AKAP11: variants seen among roughly 807,000 people sequenced by gnomAD.
AKAP11 encodes A-kinase anchor protein 11.
A neutral mutation model predicts 146.1 loss-of-function variants in AKAP11; 36 were observed. That is an observed-to-expected ratio of 0.25 (90% CI 0.19 to 0.33). The LOEUF is 0.33. AKAP11 is among the 10% of genes least tolerant of loss of function. The pLI is 1.00. For missense variants in AKAP11, 2,201 were observed against 2,197.0 expected (o/e 1.00, Z -0.04); for synonymous variants, 780 against 786.5 (o/e 0.99, Z 0.14).
At position 42,300,126 on chromosome 13, in the gene AKAP11, C is replaced by T. The variant is rs1959772544; in HGVS notation, c.1380C>T (p.Gly460=). 1 of 1,613,932 alleles carries T rather than the reference C, an allele frequency of 6.2e-7. No homozygotes were observed. The change falls in exon 8 of 13, where the codon GGC becomes GGT. Residue 460 remains glycine (G), a synonymous_variant. Coordinates refer to ENST00000025301, the MANE Select transcript of AKAP11 (RefSeq NM_016248.4). The part of the protein sequence containing the change: ...IRSSAFSPLG[G]CTPAECFCQT... ...CCTCTGCTTTTAGTCCTCTTGGAGG[C>T]TGTACTCCAGCTGAATGTTTTTGCC...
chr13:42,272,221 GC>G lies in AKAP11; in HGVS notation c.-102del. ...ATGTCTGTGAGCTGCGGAGGCTGCG[GC>G]CCCCAGGTGAGCCGGGCGCCGACGT... On this transcript the variant is annotated 5_prime_UTR_variant, in exon 1 of 13. An upstream open reading frame in the 5' UTR loses its in-frame stop. Coordinates refer to ENST00000025301, the MANE Select transcript of AKAP11 (RefSeq NM_016248.4). The G allele has an allele frequency of 6.5e-6, 1 of 152,938 alleles. No homozygotes were observed. Among genetic ancestry groups the G allele is most frequent in the Non-Finnish European group, 1.5e-5 (1 of 68,194 alleles). 9.5% of individuals were successfully genotyped at this position (152,938 alleles called of 1,614,324 possible).
At chr13:42,313,016 G>T (rs1470037516) in intron 9 of AKAP11, 31 bp from the exon 10 acceptor site, 26 of 1,579,734 alleles carry the variant, frequency 1.6e-5, no homozygotes, top group Non-Finnish European at 2.2e-5. Flanking sequence ...TCATTTTCTA[G>T]TTCAGCTCTG....
rs1206192682 is a variant in AKAP11, at chr13:42,286,287, A to G, written c.-49-13A>G. On this transcript the variant is annotated splice_polypyrimidine_tract_variant and intron_variant, in intron 2 of 12. Transcript: ENST00000025301. ...AGATCAATAAATAAGTTGTTTTAAT[A>G]TGTTTTCTTTAGGTGTTTTGTGGAT... 2.7e-6 allele frequency: 3 copies of G among 1,117,796 alleles called. No homozygotes were observed. The highest frequency in any genetic ancestry group is 3.2e-5 in the African/African-American group (2 of 62,288). The allele number at this position is 1,117,796 out of a possible 1,614,324, so 69.2% of individuals were successfully genotyped here. A position where few individuals can be genotyped will look rare whatever the true frequency, so the allele number is the denominator to read the frequency against.
At position 42,300,747 on chromosome 13, in the gene AKAP11, T is replaced by C. The variant is rs1003282611; in HGVS notation, c.2001T>C (p.Tyr667=). Residue 667 remains tyrosine (Y), a synonymous_variant, in exon 8 of 13, where the codon TAT becomes TAC. Coordinates refer to ENST00000025301, the MANE Select transcript of AKAP11 (RefSeq NM_016248.4). The part of the protein sequence containing the change: ...EGIMEVCQFS[Y]PQTPASPQCG... Reference sequence around the variant, plus strand: ...TCATGGAGGTGTGTCAGTTTTCATATCCTCAAACGCCTGCATCTCCACAGT... The same window carrying C: ...TCATGGAGGTGTGTCAGTTTTCATACCCTCAAACGCCTGCATCTCCACAGT... 1.9e-6 allele frequency: 3 copies of C among 1,614,106 alleles called. No individual in the cohort carries two copies. The highest frequency in any genetic ancestry group is 2.5e-6 in the Non-Finnish European group (3 of 1,179,966).
chr13:42,278,064 G>A (rs1958970785), intron 1 of AKAP11, among the ~76,000 whole-genome samples: 1 of 152,148 alleles, frequency 6.6e-6, no homozygotes, highest in Non-Finnish European at 1.5e-5. Flanking sequence ...TAGAGGCCAA[G>A]GAAGCTGCTA....
intron 4 of AKAP11, among the ~76,000 whole-genome samples, chr13:42,294,676 C>T (rs938346953): frequency 1.3e-5 from 2 of 152,076 alleles, no homozygotes; most frequent in African/African-American, 4.8e-5. Context: ...GCTGGGATTA[C>T]AGACATGAGC....
rs370063592 is a variant in AKAP11 at position 42,299,434 on chromosome 13, A to G, written c.688A>G (p.Thr230Ala). The change falls in exon 8 of 13, where the codon ACC becomes GCC. Residue 230 changes from threonine (T) to alanine (A), a missense_variant. By Grantham distance (58) the Thr-to-Ala change is moderately conservative (BLOSUM62 0). Around this residue, in one of 3 missense-constraint regions of AKAP11, gnomAD observed 331 missense variants for 347.4 expected, o/e 0.95. Coordinates refer to ENST00000025301, the MANE Select transcript of AKAP11 (RefSeq NM_016248.4). ...SQTVTGHHLE[T>A]HDLKILISSG... The stretch of plus-strand genomic sequence containing the variant: ...GACGGTTACTGGTCATCATTTAGAA[A>G]CCCATGATTTAAAGATTCTCATTAG... 6.2e-7 allele frequency: 1 copy of G among 1,613,710 alleles called. No individual in the cohort carries two copies. Among genetic ancestry groups the G allele is most frequent in the Non-Finnish European group, 8.5e-7 (1 of 1,179,824 alleles).
chr13:42,310,632 G>A (rs1566289627), intron 9 of AKAP11, among the ~76,000 whole-genome samples: 1 of 152,106 alleles, frequency 6.6e-6, no homozygotes, highest in Admixed American at 6.6e-5. Flanking sequence ...GGGGGTGGGG[G>A]TGGATCACTT....
In AKAP11 at chr13:42,299,457, T is replaced by C; in HGVS notation, c.711T>C (p.Ile237=). The change falls in exon 8 of 13, where the codon ATT becomes ATC. Residue 237 remains isoleucine, a synonymous_variant. Coordinates refer to ENST00000025301, the MANE Select transcript of AKAP11 (RefSeq NM_016248.4). ...AAACCCATGATTTAAAGATTCTCAT[T>C]AGCTCTGGACAGCAGAAGTCATTGG... ...HLETHDLKIL[I]SSGQQKSLAK... is the part of the protein sequence containing the mutation. 6.2e-7 allele frequency: 1 copy of C among 1,613,872 alleles called. No homozygotes were observed. The highest frequency in any genetic ancestry group is 8.5e-7 in the Non-Finnish European group (1 of 1,179,816).
Position 42,302,348 on chromosome 13 carries a change from C to T in AKAP11, c.3602C>T (p.Ala1201Val). Residue 1201 changes from alanine to valine, a missense_variant, in exon 8 of 13, where the codon GCA becomes GTA. By Grantham distance (64) the Ala-to-Val change is moderately conservative (BLOSUM62 0). Transcript: ENST00000025301. ...GGGAAGAAGGTTCAGTTTGCAGAAG[C>T]ATTAGCTACACACATCCTTTCTCTT... ...HSGKKVQFAEALATHILSLAT... is the reference protein window; with the variant it reads ...HSGKKVQFAEVLATHILSLAT... 6.2e-7 allele frequency: 1 copy of T among 1,614,158 alleles called. No homozygotes were observed. The highest frequency in any genetic ancestry group is 8.5e-7 in the Non-Finnish European group (1 of 1,180,010).
chr13:42,316,523 G>A (rs1960828470), intron 11 of AKAP11, among the ~76,000 whole-genome samples: 1 of 152,186 alleles, frequency 6.6e-6, no homozygotes, highest in Non-Finnish European at 1.5e-5. Context: ...AAATAAATTT[G>A]AGATAATCTT....
chr13:42,287,677 A>C (rs1445705885), intron 3 of AKAP11, among the ~76,000 whole-genome samples: 1 of 152,200 alleles, frequency 6.6e-6, no homozygotes, highest in Non-Finnish European at 1.5e-5. Context: ...AAGTACAATA[A>C]AAACTATTTT....
Position 42,299,926 on chromosome 13 carries a change from T to C in AKAP11, c.1180T>C (p.Ser394Pro). The C allele has an allele frequency of 6.2e-7, 1 of 1,613,892 alleles. No homozygotes were observed. The highest frequency in any genetic ancestry group is 8.5e-7 in the Non-Finnish European group (1 of 1,179,862). ...SQRKGHKHGK[S>P]CMNPQKFKFD... is the part of the protein sequence containing the mutation. ...GAGGAAAGGGCACAAACATGGAAAG[T>C]CATGTATGAATCCTCAAAAATTCAA... The change falls in exon 8 of 13, where the codon TCA (serine) becomes CCA (proline). Residue 394 changes from serine (S) to proline (P), a missense_variant. Coordinates refer to ENST00000025301, the MANE Select transcript of AKAP11 (RefSeq NM_016248.4).
chr13:42,298,712 C>G lies in AKAP11; in HGVS notation c.531C>G (p.Asn177Lys). Residue 177 changes from asparagine (N) to lysine (K), a missense_variant, in exon 7 of 13, where the codon AAC (asparagine) becomes AAG (lysine). By Grantham distance (94) the Asn-to-Lys change is moderately conservative. This residue lies in a region of AKAP11 where 331 missense variants were observed against 347.4 expected (regional missense o/e 0.95). Coordinates refer to ENST00000025301, the MANE Select transcript of AKAP11 (RefSeq NM_016248.4). ...CTGATGAAGATGATGATGATACTAA[C>G]CAGTCTGTGTCATCCATAGAGGATG... Reference protein sequence around the residue: ...ETTDEDDDDTNQSVSSIEDDF... With the variant: ...ETTDEDDDDTKQSVSSIEDDF... The G allele has an allele frequency of 1.9e-6, 3 of 1,610,054 alleles. No homozygotes were observed. Among genetic ancestry groups the G allele is most frequent in the Non-Finnish European group, 2.5e-6 (3 of 1,178,658 alleles).
At chr13:42,291,334 C>A (rs1030328121) in intron 3 of AKAP11, among the ~76,000 whole-genome samples, 3 of 152,162 alleles carry the variant, frequency 2.0e-5, no homozygotes, top group Admixed American at 6.5e-5. Flanking sequence ...CTAACTGCAA[C>A]CCCCACCTCC....
chr13:42,316,175 A>G (rs1334496559), intron 11 of AKAP11, among the ~76,000 whole-genome samples: 1 of 152,200 alleles, frequency 6.6e-6, no homozygotes, highest in Non-Finnish European at 1.5e-5. Context: ...ATGTGGACCA[A>G]ATCTTTTTAA....
intron 8 of AKAP11, among the ~76,000 whole-genome samples, chr13:42,306,781 A>G (rs1960282234): frequency 6.6e-6 from 1 of 152,246 alleles, no homozygotes; most frequent in Non-Finnish European, 1.5e-5. Context: ...CACAAACTGT[A>G]ATGAACAGAG....
intron 12 of AKAP11, 118 bp downstream of exon 12, chr13:42,317,806 C>A: frequency 8.2e-7 from 1 of 1,215,486 alleles, no homozygotes; most frequent in Non-Finnish European, 1.1e-6. Context: ...TAGTGTCCAA[C>A]AGTTTGGGTT....
chr13:42,311,795 ATT>A (rs1242953354), intron 9 of AKAP11, among the ~76,000 whole-genome samples: 1 of 151,806 alleles, frequency 6.6e-6, no homozygotes, highest in Non-Finnish European at 1.5e-5. Flanking sequence ...ATATTTTCTT[ATT>A]TTTAGTTTAT....
Sources: gnomAD v4.1 joint callset for allele counts (sites outside exome capture counted in the v4.1 genomes callset) on GRCh38, gnomAD v4.1.1 for gene constraint, gnomAD v4.1.1 regional missense constraint, MANE v1.5 for transcripts, NCBI Gene and HGNC (gene_info 2026-07-23, HGNC 2026-07-21) for gene names.